The following KLF15 variants were observed in gnomAD, a reference collection of about 807,000 sequenced individuals.
The protein encoded by KLF15 is KLF transcription factor 15.
KLF15 carries 4 observed loss-of-function variants against 24.6 expected under a neutral mutation model. That is an observed-to-expected ratio of 0.16 (90% CI 0.08 to 0.37). The LOEUF is 0.37. Among genes scored for constraint, KLF15 ranks in the 10% least tolerant of loss-of-function variants. The pLI is 1.00. For synonymous variants in KLF15, 246 were observed against 236.3 expected, an observed-to-expected ratio of 1.04 and a Z score of -0.37; for missense variants, 496 against 560.6, an observed-to-expected ratio of 0.88 and a Z score of 1.16.
In KLF15 at chr3:126,355,913, C is replaced by T. The variant is rs372552426; in HGVS notation, c.-26+1324G>A. On this transcript the variant is annotated intron_variant, in intron 1 of 2. Coordinates refer to ENST00000296233, the MANE Select transcript of KLF15 (RefSeq NM_014079.4). ...AAGAGAGGACACTCTAGGGCTGGAG[C>T]TGGCTCGGCCCCTGAAACACAGCAG... 4.6e-4 allele frequency among the ~76,000 whole-genome samples: 70 copies of T among 152,338 alleles called. No homozygotes were observed. In the South Asian group the frequency reaches 0.014, roughly 31 times the overall value.
chr3:126,321,249 C>T, the KLF15 span, among the ~76,000 whole-genome samples: 4 of 152,208 alleles, frequency 2.6e-5, no homozygotes, highest in Non-Finnish European at 4.4e-5. Context: ...GCCAGGGCCA[C>T]AGAGGAAGAA....
rs1560036365 is a variant in KLF15, at chr3:126,343,872, G to A, written c.1106C>T (p.Ser369Leu). ...ACCTGAGTGCGAGCGCCTGTGCCGC[G>A]ACAGCTCGTCAGAGCGCGAGAACCT... ...GWRFSRSDEL[S>L]RHRRSHSGVK... The change falls in exon 3 of 3, where the codon TCG becomes TTG. Residue 369 changes from serine (S) to leucine (L), a missense_variant. Transcript: ENST00000296233. 6.3e-7 allele frequency: 1 copy of A among 1,597,680 alleles called. No homozygotes were observed. The highest frequency in any genetic ancestry group is 8.5e-7 in the Non-Finnish European group (1 of 1,173,332).
At chr3:126,301,700 T>TGCCCCC in the KLF15 span, among the ~76,000 whole-genome samples, 14 of 149,378 alleles carry the variant, frequency 9.4e-5, no homozygotes, top group African/African-American at 3.4e-4. Flanking sequence ...CGGCAACCTC[T>TGCCCCC]GCCCCCGGGG....
chr3:126,295,306 T>TA, the KLF15 span, among the ~76,000 whole-genome samples: 1 of 152,224 alleles, frequency 6.6e-6, no homozygotes, highest in African/African-American at 2.4e-5. Flanking sequence ...CAGATACAGT[T>TA]ACTATCCACT....
In KLF15 at chr3:126,352,362, G is replaced by C. The variant is rs374592098; in HGVS notation, c.561C>G (p.Ser187Arg). The change falls in exon 2 of 3, where the codon AGC (serine) becomes AGG (arginine). Residue 187 changes from serine to arginine, a missense_variant. Coordinates refer to ENST00000296233, the MANE Select transcript of KLF15 (RefSeq NM_014079.4). Reference protein sequence around the residue: ...PHKSHLHPGSSGRERCSPPPG... With the variant: ...PHKSHLHPGSRGRERCSPPPG... Reference sequence around the variant, plus strand: ...GTGGAGGGGAACAGCGCTCTCTCCCGCTGGACCCAGGATGGAGGTGGCTCT... The same window carrying C: ...GTGGAGGGGAACAGCGCTCTCTCCCCCTGGACCCAGGATGGAGGTGGCTCT... 7.5e-6 allele frequency: 12 copies of C among 1,606,548 alleles called. No individual in the cohort carries two copies. In the African/African-American group the frequency reaches 1.5e-4, roughly 20 times the overall value.
At chr3:126,305,743 C>T in the KLF15 span, among the ~76,000 whole-genome samples, 1 of 152,138 alleles carries the variant, frequency 6.6e-6, no homozygotes, top group East Asian at 1.9e-4. Flanking sequence ...AACATCTGCC[C>T]CACACAGTAG....
intron 2 of KLF15, among the ~76,000 whole-genome samples, chr3:126,348,013 G>A (rs1412510725): frequency 6.6e-6 from 1 of 152,138 alleles, no homozygotes; most frequent in African/African-American, 2.4e-5. Flanking sequence ...GCTCCCCCAC[G>A]GGGAGTAGGT....
At chr3:126,346,966 G>C (rs1289968099) in intron 2 of KLF15, among the ~76,000 whole-genome samples, 1 of 152,218 alleles carries the variant, frequency 6.6e-6, no homozygotes, top group Non-Finnish European at 1.5e-5. Context: ...AAGGCAACCA[G>C]TAACGGTTTA....
chr3:126,298,231 G>C, the KLF15 span, among the ~76,000 whole-genome samples: 1 of 150,088 alleles, frequency 6.7e-6, no homozygotes, highest in East Asian at 1.9e-4. Flanking sequence ...TATGTTTGTT[G>C]GTTGTTTGTA....
chr3:126,350,812 G>A (rs543963738), intron 2 of KLF15, among the ~76,000 whole-genome samples: 13 of 152,342 alleles, frequency 8.5e-5, no homozygotes, highest in African/African-American at 2.6e-4. Context: ...ACCTGCTGGC[G>A]AGGCCCAGGC....
At chr3:126,323,014 C>A in the KLF15 span, among the ~76,000 whole-genome samples, 5 of 140,774 alleles carry the variant, frequency 3.6e-5, no homozygotes, top group South Asian at 2.3e-4. Flanking sequence ...GTGTACAAGC[C>A]TGTTCTTTTT....
chr3:126,289,701 A>G, the KLF15 span, among the ~76,000 whole-genome samples: 100 of 152,350 alleles, frequency 6.6e-4, no homozygotes, highest in African/African-American at 2.3e-3. Flanking sequence ...CCATGTTAAT[A>G]TCTTCTTTCT....
chr3:126,353,764 C>T (rs930353748), intron 1 of KLF15, among the ~76,000 whole-genome samples: 2 of 152,232 alleles, frequency 1.3e-5, no homozygotes, highest in Non-Finnish European at 2.9e-5. Flanking sequence ...CAGGCTTGAA[C>T]GCAACCCTCT....
At chr3:126,313,183 A>G in the KLF15 span, among the ~76,000 whole-genome samples, 1 of 152,200 alleles carries the variant, frequency 6.6e-6, no homozygotes. Flanking sequence ...CCAGAGATGC[A>G]AGTGCACAGA....
At chr3:126,327,422 T>C in the KLF15 span, among the ~76,000 whole-genome samples, 1 of 152,068 alleles carries the variant, frequency 6.6e-6, no homozygotes, top group Admixed American at 6.6e-5. Context: ...CTCAGGGAGC[T>C]GGAAGGGGTG....
the KLF15 span, among the ~76,000 whole-genome samples, chr3:126,308,353 A>C: frequency 6.6e-6 from 1 of 152,182 alleles, no homozygotes; most frequent in East Asian, 1.9e-4. Flanking sequence ...CCTGGTGTCC[A>C]TCAGTCACTG....
chr3:126,304,179 T>C, the KLF15 span, among the ~76,000 whole-genome samples: 1 of 149,718 alleles, frequency 6.7e-6, no homozygotes, highest in Non-Finnish European at 1.5e-5. Flanking sequence ...TGTATTTCTA[T>C]AAATATTCTT....
the KLF15 span, among the ~76,000 whole-genome samples, chr3:126,295,006 C>T: frequency 5.3e-5 from 8 of 152,082 alleles, no homozygotes; most frequent in South Asian, 1.0e-3. Flanking sequence ...TTCATATATA[C>T]ACATAATACA....
At chr3:126,312,180 C>T in the KLF15 span, among the ~76,000 whole-genome samples, 1 of 152,152 alleles carries the variant, frequency 6.6e-6, no homozygotes, top group South Asian at 2.1e-4. Flanking sequence ...GAACCTGAGT[C>T]TTTTGGGATT....
Sources: gnomAD v4.1 joint callset for allele counts (sites outside exome capture counted in the v4.1 genomes callset) on GRCh38, gnomAD v4.1.1 for gene constraint, MANE v1.5 for transcripts, NCBI Gene and HGNC (gene_info 2026-07-23, HGNC 2026-07-21) for gene names.